Variants in RBSN observed in about 807,000 individuals in gnomAD.
RBSN encodes rabenosyn, RAB effector, also known as rabenosyn-5.
RBSN carries 34 observed loss-of-function variants against 60.5 expected under a neutral mutation model. The ratio of observed to expected loss-of-function variants is 0.56; its 90% CI spans 0.43 to 0.75. The LOEUF (loss-of-function observed/expected upper bound fraction) is 0.75, where lower values mean the gene tolerates loss of function less well. RBSN is among the 30% of genes least tolerant of loss of function. RBSN has a pLI of 0.00. For synonymous variants in RBSN, 322 were observed against 366.9 expected (o/e 0.88, Z 1.40); for missense variants, 845 against 986.8 (o/e 0.86, Z 1.92).
chr3:15,087,658 G>A (rs1201271902), intron 5 of RBSN, among the ~76,000 whole-genome samples: 4 of 151,852 alleles, frequency 2.6e-5, no homozygotes, highest in African/African-American at 9.7e-5. Flanking sequence ...TCGCTCTGTC[G>A]CCCAGACTGG....
chr3:15,096,572 C>G lies in RBSN; in HGVS notation c.-206G>C, dbSNP rs2043663933. Reference sequence around the variant, plus strand: ...CTTACATTCATTCCAAATGATCCAACTTCATAATTCATATGCCACTTCAGC... The same window carrying G: ...CTTACATTCATTCCAAATGATCCAAGTTCATAATTCATATGCCACTTCAGC... On this transcript the variant is annotated 5_prime_UTR_variant, in exon 3 of 14. Coordinates refer to ENST00000253699, the MANE Select transcript of RBSN (RefSeq NM_022340.4). The G allele has an allele frequency of 6.5e-6, 1 of 153,474 alleles. No individual in the cohort carries two copies. Among genetic ancestry groups the G allele is most frequent in the African/African-American group, 2.4e-5 (1 of 41,488 alleles). 9.5% of individuals were successfully genotyped at this position (153,474 alleles called of 1,614,324 possible).
intron 12 of RBSN, 77 bp from the exon 13 acceptor site, chr3:15,075,787 C>G (rs2043038611): frequency 1.7e-6 from 2 of 1,165,826 alleles, no homozygotes; most frequent in Non-Finnish European, 2.6e-6. Flanking sequence ...TGATGAGAGT[C>G]TGCTTAAGCT....
chr3:15,090,271 A>AT (rs1399139429), intron 5 of RBSN, 128 bp downstream of exon 5: 191 of 1,018,596 alleles, frequency 1.9e-4, no homozygotes, highest in Non-Finnish European at 2.6e-4. Flanking sequence ...CAGCAAGGGC[A>AT]TAAGGTCCAT....
intron 4 of RBSN, among the ~76,000 whole-genome samples, chr3:15,093,041 A>G (rs1176412923): frequency 6.6e-6 from 1 of 152,238 alleles, no homozygotes; most frequent in East Asian, 1.9e-4. Context: ...ACTGGAGCTG[A>G]ACCAGGACTG....
Position 15,090,450 on chromosome 3 carries a change from A to C in RBSN, c.238T>G (p.Ser80Ala). The change falls in exon 5 of 14, where the codon TCT becomes GCT. Residue 80 changes from serine to alanine, a missense_variant. By Grantham distance (99) the Ser-to-Ala change is moderately conservative. Coordinates refer to ENST00000253699, the MANE Select transcript of RBSN (RefSeq NM_022340.4). ...RAESGTQGYE[S>A]FSYGGVDPYM... ...GGATCAACCCCTCCATAGCTGAAAG[A>C]CTCATATCCTTGGGTCCCTGACTCT... The C allele has an allele frequency of 6.2e-7, 1 of 1,614,048 alleles. No homozygotes were observed. The highest frequency in any genetic ancestry group is 8.5e-7 in the Non-Finnish European group (1 of 1,180,016).
intron 8 of RBSN, among the ~76,000 whole-genome samples, chr3:15,083,899 T>G (rs1420533897): frequency 6.6e-6 from 1 of 152,172 alleles, no homozygotes; most frequent in Non-Finnish European, 1.5e-5. Context: ...CCTGAGTTCC[T>G]GACAGTCTCT....
chr3:15,088,166 T>A (rs2043398252), intron 5 of RBSN, among the ~76,000 whole-genome samples: 1 of 152,106 alleles, frequency 6.6e-6, no homozygotes, highest in Non-Finnish European at 1.5e-5. Context: ...CATAAATAAA[T>A]ATTAACTTCT....
Position 15,077,115 on chromosome 3 carries a change from T to C in RBSN, c.1048A>G (p.Ser350Gly), listed in dbSNP as rs750051860. The C allele has an allele frequency of 3.7e-6, 6 of 1,613,974 alleles. No homozygotes were observed. The highest frequency in any genetic ancestry group is 1.7e-5 in the Admixed American group (1 of 59,988). ...ATCATTCTCTGCAGCCGCAAATTGCTTGGATGTGGTGGAGGGTCCTGGTTC... is the reference window on the plus strand; with the variant it reads ...ATCATTCTCTGCAGCCGCAAATTGCCTGGATGTGGTGGAGGGTCCTGGTTC... ...GLNQDPPPHP[S>G]NLRLQRMIRY... is the part of the protein sequence containing the mutation. The change falls in exon 12 of 14, where the codon AGC becomes GGC. Residue 350 changes from serine to glycine, a missense_variant. Coordinates refer to ENST00000253699, the MANE Select transcript of RBSN (RefSeq NM_022340.4). This position sits in a 1 kb window ranked among gnomAD's most constrained non-coding sequence, Gnocchi z 4.4.
intron 4 of RBSN, chr3:15,091,547 T>A: frequency 1.6e-6 from 2 of 1,256,064 alleles, no homozygotes; most frequent in Non-Finnish European, 2.1e-6. Context: ...AATGAACATT[T>A]CCTGTATTTA....
At chr3:15,091,052 T>C (rs1487971922) in intron 4 of RBSN, among the ~76,000 whole-genome samples, 1 of 151,096 alleles carries the variant, frequency 6.6e-6, no homozygotes, top group Admixed American at 6.6e-5. Context: ...CTACTAAAAA[T>C]ACAAAAAACT....
rs1313586854 is a variant in RBSN at position 15,090,554 on chromosome 3, C to T, written c.149-15G>A. 5 of 1,611,834 alleles carry T rather than the reference C, an allele frequency of 3.1e-6. No homozygotes were observed. Among genetic ancestry groups the T allele is most frequent in the Non-Finnish European group, 4.2e-6 (5 of 1,179,316 alleles). On this transcript the variant is annotated splice_polypyrimidine_tract_variant and intron_variant, in intron 4 of 13. Coordinates refer to ENST00000253699, the MANE Select transcript of RBSN (RefSeq NM_022340.4). ...CTGGACAAGACCTTGAAAAATGGAA[C>T]AAATAATACAAATGAGCCATGAAGA...
At position 15,075,602 on chromosome 3, in the gene RBSN, T is replaced by C; in HGVS notation, c.1206+4A>G. 2 of 1,613,448 alleles carry C rather than the reference T, an allele frequency of 1.2e-6. No homozygotes were observed. The highest frequency in any genetic ancestry group is 2.2e-5 in the South Asian group (2 of 91,056). On this transcript the variant is annotated splice_donor_region_variant and intron_variant, in intron 13 of 13. Transcript: ENST00000253699. ...GCAGGCCCCATATCCCTGGCTTCAC[T>C]CACTTGTCTCTCCACGGCCCTCTTC... is the stretch of plus-strand genomic sequence containing the variant.
rs888068429 is a variant in RBSN at position 15,070,867 on chromosome 3, G to C, written c.*2915C>G. The C allele has an allele frequency of 2.0e-5, 3 of 152,686 alleles. No individual in the cohort carries two copies. Among genetic ancestry groups the C allele is most frequent in the South Asian group, 2.1e-4 (1 of 4,824 alleles). The allele number at this position is 152,686 out of a possible 1,614,324, so 9.5% of individuals were successfully genotyped here. ...GACGGAGTCTTGCTCTTGTCACCCA[G>C]GTTGGAGTGCAGTGGCGCAATCTTG... On this transcript the variant is annotated 3_prime_UTR_variant, in exon 14 of 14. Coordinates refer to ENST00000253699, the MANE Select transcript of RBSN (RefSeq NM_022340.4).
intron 8 of RBSN, among the ~76,000 whole-genome samples, chr3:15,083,776 T>C (rs2043267486): frequency 6.6e-6 from 1 of 152,146 alleles, no homozygotes; most frequent in South Asian, 2.1e-4. Flanking sequence ...CAGTGAGTTG[T>C]CTGTGACTTA....
intron 1 of RBSN, 119 bp downstream of exon 1, chr3:15,098,916 A>T (rs539055450): frequency 1.3e-5 from 2 of 153,080 alleles, no homozygotes; most frequent in East Asian, 3.8e-4. Context: ...GCACGGCCTG[A>T]AAGCCCCATC....
rs1170891168 is a variant in RBSN at position 15,072,435 on chromosome 3, A to G, written c.*1347T>C. On this transcript the variant is annotated 3_prime_UTR_variant, in exon 14 of 14. Coordinates refer to ENST00000253699, the MANE Select transcript of RBSN (RefSeq NM_022340.4). ...CATCAGTGCCCCAAGTCAGGACACA[A>G]TGAACCAAAAAGGAAGAAGGCTGAT... 1 of 152,266 alleles carries G rather than the reference A, an allele frequency of 6.6e-6. No individual in the cohort carries two copies. The highest frequency in any genetic ancestry group is 1.9e-4 in the East Asian group (1 of 5,202). 9.4% of individuals were successfully genotyped at this position (152,266 alleles called of 1,614,324 possible). A position where few individuals can be genotyped will look rare whatever the true frequency, so the allele number is the denominator to read the frequency against.
At chr3:15,078,739 G>T (rs1488647533) in intron 10 of RBSN, among the ~76,000 whole-genome samples, 2 of 116,402 alleles carry the variant, frequency 1.7e-5, no homozygotes, top group East Asian at 4.7e-4. Context: ...CAGCCTAGGC[G>T]ACAGAGCAAA....
intron 4 of RBSN, among the ~76,000 whole-genome samples, chr3:15,095,121 C>A (rs1188443731): frequency 6.6e-6 from 1 of 152,104 alleles, no homozygotes; most frequent in Non-Finnish European, 1.5e-5. Context: ...CTCAAGTGAT[C>A]CTCCTACCTC....
Position 15,073,533 on chromosome 3 carries a change from G to T in RBSN, c.*249C>A. The T allele has an allele frequency of 2.1e-6, 1 of 466,402 alleles. No individual in the cohort carries two copies. Among genetic ancestry groups the T allele is most frequent in the Non-Finnish European group, 3.8e-6 (1 of 263,950 alleles). The allele number at this position is 466,402 out of a possible 1,614,324, so 28.9% of individuals were successfully genotyped here. A position where few individuals can be genotyped will look rare whatever the true frequency, so the allele number is the denominator to read the frequency against. On this transcript the variant is annotated 3_prime_UTR_variant, in exon 14 of 14. Coordinates refer to ENST00000253699, the MANE Select transcript of RBSN (RefSeq NM_022340.4). ...AAGGGGTAAACCTCCGATTACAAAAGATAGTAATAATAAACAGGAAAAGCA... is the reference window on the plus strand; with the variant it reads ...AAGGGGTAAACCTCCGATTACAAAATATAGTAATAATAAACAGGAAAAGCA...
Sources: allele counts gnomAD v4.1 joint callset (sites outside exome capture counted in the v4.1 genomes callset), GRCh38; gene constraint gnomAD v4.1.1; non-coding constraint Gnocchi (gnomAD v3.1); transcripts MANE v1.5; gene names NCBI Gene and HGNC (gene_info 2026-07-23, HGNC 2026-07-21).